Variants in PPARGC1A observed in about 807,000 individuals in gnomAD.
The protein encoded by PPARGC1A is peroxisome proliferator-activated receptor gamma coactivator 1-alpha.
A neutral mutation model predicts 88.7 loss-of-function variants in PPARGC1A; 25 were observed. The ratio of observed to expected loss-of-function variants is 0.28; its 90% CI spans 0.21 to 0.39. The LOEUF (loss-of-function observed/expected upper bound fraction) is 0.39, where lower values mean the gene tolerates loss of function less well. Ranked by LOEUF, PPARGC1A falls within the 10% of genes least tolerant of loss-of-function variation. The pLI is 1.00. For synonymous variants in PPARGC1A, 363 were observed against 355.6 expected (o/e 1.02, Z -0.24); for missense variants, 880 against 968.7 (o/e 0.91, Z 1.22).
chr4:23,976,726 A>G, the PPARGC1A span, among the ~76,000 whole-genome samples: 1 of 152,228 alleles, frequency 6.6e-6, no homozygotes, highest in Non-Finnish European at 1.5e-5. Context: ...AGGCCATGTA[A>G]GGACAACGAG....
chr4:23,936,063 C>T, the PPARGC1A span, among the ~76,000 whole-genome samples: 2 of 152,002 alleles, frequency 1.3e-5, no homozygotes, highest in East Asian at 1.9e-4. Context: ...TTCCTATGTA[C>T]ATCGAGGAAA....
the PPARGC1A span, among the ~76,000 whole-genome samples, chr4:24,410,524 G>A: frequency 5.9e-5 from 9 of 152,210 alleles, no homozygotes; most frequent in East Asian, 1.2e-3. Context: ...AATACTGAGC[G>A]TCAACTTGAT....
At chr4:24,087,024 C>A in the PPARGC1A span, among the ~76,000 whole-genome samples, 1 of 152,052 alleles carries the variant, frequency 6.6e-6, no homozygotes, top group Non-Finnish European at 1.5e-5. Context: ...GCTATAATAC[C>A]TGCTCAAAAA....
chr4:24,395,505 T>A, the PPARGC1A span, among the ~76,000 whole-genome samples: 2 of 152,332 alleles, frequency 1.3e-5, no homozygotes, highest in East Asian at 3.9e-4. Flanking sequence ...TCAAGCTCCA[T>A]GAGATTTTCT....
At chr4:24,240,636 G>A in the PPARGC1A span, among the ~76,000 whole-genome samples, 4 of 152,164 alleles carry the variant, frequency 2.6e-5, no homozygotes, top group Non-Finnish European at 1.5e-5. Flanking sequence ...AGCACAAACT[G>A]ATTAATTTTA....
At chr4:24,047,926 T>G in the PPARGC1A span, among the ~76,000 whole-genome samples, 13 of 152,160 alleles carry the variant, frequency 8.5e-5, no homozygotes, top group Non-Finnish European at 1.5e-4. Flanking sequence ...TTCTAACTCT[T>G]TACACTTCAC....
chr4:24,328,548 A>C, the PPARGC1A span, among the ~76,000 whole-genome samples: 1 of 152,182 alleles, frequency 6.6e-6, no homozygotes, highest in Non-Finnish European at 1.5e-5. Context: ...TATTTGAAGT[A>C]TTTAATCACA....
the PPARGC1A span, among the ~76,000 whole-genome samples, chr4:24,435,831 A>G: frequency 6.6e-6 from 1 of 152,248 alleles, no homozygotes; most frequent in South Asian, 2.1e-4. Flanking sequence ...AAGTAGGCAA[A>G]AGCAAGATTT....
At chr4:24,090,081 TCTC>T in the PPARGC1A span, among the ~76,000 whole-genome samples, 2 of 152,308 alleles carry the variant, frequency 1.3e-5, no homozygotes, top group Admixed American at 1.3e-4. Context: ...GTCTGAGTCA[TCTC>T]CTCACAGTCT....
chr4:24,062,914 A>T, the PPARGC1A span, among the ~76,000 whole-genome samples: 3 of 152,234 alleles, frequency 2.0e-5, no homozygotes, highest in Non-Finnish European at 4.4e-5. Context: ...AAAATGTAGA[A>T]CTATGCTTTA....
chr4:24,298,518 T>C, the PPARGC1A span, among the ~76,000 whole-genome samples: 3 of 152,166 alleles, frequency 2.0e-5, no homozygotes, highest in African/African-American at 4.8e-5. Flanking sequence ...GTCATTGATA[T>C]ATGCATTCTC....
chr4:24,399,543 C>T, the PPARGC1A span, among the ~76,000 whole-genome samples: 1 of 152,138 alleles, frequency 6.6e-6, no homozygotes, highest in Non-Finnish European at 1.5e-5. Context: ...ACTAATTTAT[C>T]ACCACAGCAA....
At chr4:24,014,855 T>G in the PPARGC1A span, among the ~76,000 whole-genome samples, 1 of 152,136 alleles carries the variant, frequency 6.6e-6, no homozygotes. Flanking sequence ...AGCTGCAAAA[T>G]CCATTCACTT....
At chr4:24,178,107 T>C in the PPARGC1A span, among the ~76,000 whole-genome samples, 1 of 152,242 alleles carries the variant, frequency 6.6e-6, no homozygotes, top group Non-Finnish European at 1.5e-5. Context: ...CCTTTGAGCC[T>C]ATTGTATAAA....
the PPARGC1A span, among the ~76,000 whole-genome samples, chr4:24,438,074 A>G: frequency 6.6e-6 from 1 of 152,300 alleles, no homozygotes; most frequent in African/African-American, 2.4e-5. Flanking sequence ...CAGCAAGAGG[A>G]CACAGCAGAG....
intron 12 of PPARGC1A, among the ~76,000 whole-genome samples, chr4:23,797,498 A>G (rs1717821253): frequency 1.3e-5 from 2 of 152,206 alleles, no homozygotes; most frequent in Admixed American, 6.6e-5. Context: ...GGACATACAC[A>G]CATACCTTTC....
chr4:24,026,113 A>C, the PPARGC1A span, among the ~76,000 whole-genome samples: 1 of 152,190 alleles, frequency 6.6e-6, no homozygotes, highest in Non-Finnish European at 1.5e-5. Flanking sequence ...TCTTTAGAAA[A>C]TTTCAAAGAT....
the PPARGC1A span, among the ~76,000 whole-genome samples, chr4:24,413,395 CAGGTTACCAACTGAGTAGATGGAA>C: frequency 6.6e-6 from 1 of 152,282 alleles, no homozygotes; most frequent in Non-Finnish European, 1.5e-5. Context: ...AGAAAGTTTA[CAGGTTACCAACTGAGTAGATGGAA>C]AGGGAGATTA....
the PPARGC1A span, among the ~76,000 whole-genome samples, chr4:24,337,817 A>G: frequency 6.6e-6 from 1 of 152,156 alleles, no homozygotes; most frequent in Admixed American, 6.5e-5. Flanking sequence ...TCAAGGGTCT[A>G]CCAAAAAGGC....
Sources: gnomAD v4.1 joint callset for allele counts (sites outside exome capture counted in the v4.1 genomes callset) on GRCh38, gnomAD v4.1.1 for gene constraint, MANE v1.5 for transcripts, NCBI Gene and HGNC (gene_info 2026-07-23, HGNC 2026-07-21) for gene names.